PRDM10: variants seen among roughly 807,000 people sequenced by gnomAD.
The protein encoded by PRDM10 is PR/SET domain 10.
A neutral mutation model predicts 133.1 loss-of-function variants in PRDM10; 65 were observed. The ratio of observed to expected loss-of-function variants is 0.49; its 90% CI spans 0.40 to 0.60. The LOEUF is 0.60. Ranked by LOEUF, PRDM10 falls within the 20% of genes least tolerant of loss-of-function variation. PRDM10 has a pLI of 0.00. For missense variants in PRDM10, 1,137 were observed against 1,507.1 expected (o/e 0.75, Z 4.07); for synonymous variants, 582 against 580.4 (o/e 1.00, Z -0.04).
intron 11 of PRDM10, 120 bp from the exon 12 acceptor site, chr11:129,925,349 C>T (rs554770711): frequency 8.1e-5 from 75 of 920,610 alleles, no homozygotes; most frequent in Admixed American, 2.5e-4. Context: ...AGAAGTTCAA[C>T]TCTAGGACAC....
At chr11:129,983,687 A>G (rs550514726) in intron 1 of PRDM10, among the ~76,000 whole-genome samples, 2 of 152,370 alleles carry the variant, frequency 1.3e-5, no homozygotes, top group South Asian at 4.1e-4. Context: ...TAGTGTATAC[A>G]GGAGAGGAGA....
chr11:130,002,180 G>T (rs1028959678), intron 1 of PRDM10, among the ~76,000 whole-genome samples: 1 of 148,230 alleles, frequency 6.7e-6, no homozygotes, highest in African/African-American at 2.4e-5. Flanking sequence ...CTCCCGGCCG[G>T]CGGAGACCTG....
intron 2 of PRDM10, among the ~76,000 whole-genome samples, chr11:129,960,631 C>T (rs949166776): frequency 5.9e-5 from 9 of 151,986 alleles, no homozygotes; most frequent in South Asian, 2.1e-4. Context: ...ATAAATAAAG[C>T]GGGGTAGTAA....
chr11:129,952,104 ACTGT>A (rs1951596258), intron 4 of PRDM10, among the ~76,000 whole-genome samples: 1 of 152,188 alleles, frequency 6.6e-6, no homozygotes, highest in East Asian at 1.9e-4. Context: ...CAATAGTTAC[ACTGT>A]CTTGTAATGT....
At chr11:129,975,349 G>A (rs1186172710) in intron 1 of PRDM10, among the ~76,000 whole-genome samples, 1 of 151,838 alleles carries the variant, frequency 6.6e-6, no homozygotes, top group Non-Finnish European at 1.5e-5. Flanking sequence ...GCTTGAACCT[G>A]GGGAGGCGGA....
chr11:129,928,536 C>G (rs1411457891), intron 11 of PRDM10, among the ~76,000 whole-genome samples: 1 of 152,036 alleles, frequency 6.6e-6, no homozygotes, highest in Non-Finnish European at 1.5e-5. Context: ...ACTACAGGTG[C>G]CTGCCACCAT....
rs184108902 is a variant in PRDM10 at position 129,947,817 on chromosome 11, C to G, written c.295-447G>C. 2.0e-5 allele frequency among the ~76,000 whole-genome samples: 3 copies of G among 152,240 alleles called. No individual in the cohort carries two copies. Among genetic ancestry groups the G allele is most frequent in the Admixed American group, 2.0e-4 (3 of 15,288 alleles). ...GACTTCAAATAGGTAAGCAACAGAC[C>G]GTTTCGATGTGTGCACATGTGAGGT... On this transcript the variant is annotated intron_variant, in intron 4 of 20. Coordinates refer to ENST00000360871, the MANE Select transcript of PRDM10 (RefSeq NM_199437.2). This position sits in a 1 kb window ranked among gnomAD's most constrained non-coding sequence, Gnocchi z 4.6.
At chr11:129,932,020 T>C (rs1950883896) in intron 10 of PRDM10, 82 bp downstream of exon 10, 1 of 1,491,208 alleles carries the variant, frequency 6.7e-7, no homozygotes, top group Admixed American at 2.0e-5. Flanking sequence ...ATTGGGAAGG[T>C]CTTTGTACTT....
chr11:129,952,331 T>C (rs1238932732), intron 4 of PRDM10, among the ~76,000 whole-genome samples: 1 of 151,980 alleles, frequency 6.6e-6, no homozygotes, highest in East Asian at 1.9e-4. Flanking sequence ...GTGGCAAGAG[T>C]GTGTGGAAAT....
At chr11:129,904,940 C>A (rs1320320506) in intron 20 of PRDM10, among the ~76,000 whole-genome samples, 1 of 152,214 alleles carries the variant, frequency 6.6e-6, no homozygotes, top group Non-Finnish European at 1.5e-5. Context: ...TAATTTATGG[C>A]AATGTTTTTC....
At chr11:129,953,128 C>A (rs1264780453) in intron 4 of PRDM10, among the ~76,000 whole-genome samples, 1 of 151,826 alleles carries the variant, frequency 6.6e-6, no homozygotes, top group African/African-American at 2.4e-5. Flanking sequence ...CAGGTGCCCA[C>A]CACCATGCCC....
rs186278201 is a variant in PRDM10 at position 129,918,716 on chromosome 11, T to C, written c.2037A>G (p.Arg679=). The change falls in exon 14 of 21, where the codon CGA becomes CGG. Residue 679 remains arginine, a splice_region_variant and synonymous_variant. Coordinates refer to ENST00000360871, the MANE Select transcript of PRDM10 (RefSeq NM_199437.2). The surrounding 1 kb of genome is among the most constrained non-coding windows in gnomAD (Gnocchi z 5.3). ...GCATGTGTTCCCGTAGTTTGTCTTT[T>C]CGCTATTTGGAGAGTATTTTTGAAA... ...LCSTCGKQFK[R]KDKLREHMQR... is the part of the protein sequence containing the mutation. 1.2e-5 allele frequency: 20 copies of C among 1,608,066 alleles called. No individual in the cohort carries two copies. The highest frequency in any genetic ancestry group is 1.7e-5 in the Non-Finnish European group (20 of 1,176,790).
chr11:129,960,870 C>G, intron 2 of PRDM10, 26 bp downstream of exon 2: 1 of 1,613,474 alleles, frequency 6.2e-7, no homozygotes, highest in Admixed American at 1.7e-5. Flanking sequence ...CCTCTCAATA[C>G]CAAGCTGGAA....
At chr11:129,982,998 A>G (rs955705222) in intron 1 of PRDM10, among the ~76,000 whole-genome samples, 3 of 151,642 alleles carry the variant, frequency 2.0e-5, no homozygotes, top group Non-Finnish European at 2.9e-5. Context: ...TTTCTTTGAG[A>G]CAGTGTCTCA....
intron 10 of PRDM10, among the ~76,000 whole-genome samples, chr11:129,931,773 T>G (rs1237460541): frequency 2.0e-5 from 3 of 152,004 alleles, no homozygotes; most frequent in African/African-American, 7.2e-5. Context: ...TTTCACCGTG[T>G]TAGCCAGGAT....
Position 129,925,109 on chromosome 11 carries a change from C to T in PRDM10, c.1651G>A (p.Glu551Lys). 6.2e-7 allele frequency: 1 copy of T among 1,614,214 alleles called. No individual in the cohort carries two copies. The highest frequency in any genetic ancestry group is 8.5e-7 in the Non-Finnish European group (1 of 1,180,020). Residue 551 changes from glutamate to lysine, a missense_variant, in exon 12 of 21, where the codon GAG becomes AAG. By Grantham distance (56) the Glu-to-Lys change is moderately conservative. This residue lies in a region of PRDM10 where 635 missense variants were observed against 835.2 expected (regional missense o/e 0.76). Coordinates refer to ENST00000360871, the MANE Select transcript of PRDM10 (RefSeq NM_199437.2). ...TCACAGGTCAGTGGGCAGTTCCCCT[C>T]CCGCCCATGGAAGCGTAAGTGCTGG... The part of the protein sequence containing the change: ...LDQHLRFHGR[E>K]GNCPLTCDLC...
At position 129,910,518 on chromosome 11, in the gene PRDM10, G is replaced by C. The variant is rs1428085472; in HGVS notation, c.3121C>G (p.His1041Asp). The change falls in exon 19 of 21, where the codon CAC becomes GAC. Residue 1041 changes from histidine to aspartate, a missense_variant. Physicochemically the swap from His to Asp is moderately conservative, Grantham distance 81. This residue lies in a region of PRDM10 where 243 missense variants were observed against 259.2 expected (regional missense o/e 0.94). Coordinates refer to ENST00000360871, the MANE Select transcript of PRDM10 (RefSeq NM_199437.2). ...QQQQQNSSVQ[H>D]TYLPSAWNSF... Reference sequence around the variant, plus strand: ...TTCCAAGCACTGGGCAGGTACGTGTGCTGCACAGAGGAATTCTGCTGCTGC... The same window carrying C: ...TTCCAAGCACTGGGCAGGTACGTGTCCTGCACAGAGGAATTCTGCTGCTGC... The C allele has an allele frequency of 3.1e-6, 5 of 1,614,152 alleles. No homozygotes were observed. Among genetic ancestry groups the C allele is most frequent in the Non-Finnish European group, 4.2e-6 (5 of 1,180,038 alleles).
intron 1 of PRDM10, among the ~76,000 whole-genome samples, chr11:129,977,032 G>A (rs73577280): frequency 0.048 from 7,299 of 151,876 alleles, 465 homozygotes; most frequent in African/African-American, 0.15. Context: ...GCTGTTTCAC[G>A]TGCCCCTCAC....
chr11:130,001,339 A>G (rs1939362282), intron 1 of PRDM10, among the ~76,000 whole-genome samples: 1 of 152,206 alleles, frequency 6.6e-6, no homozygotes, highest in African/African-American at 2.4e-5. Context: ...GCGATGGAGG[A>G]GTGATAGAAA....
Sources: gnomAD v4.1 joint callset for allele counts (sites outside exome capture counted in the v4.1 genomes callset) on GRCh38, gnomAD v4.1.1 for gene constraint, gnomAD v4.1.1 regional missense constraint, Gnocchi (gnomAD v3.1) non-coding constraint, MANE v1.5 for transcripts, NCBI Gene and HGNC (gene_info 2026-07-23, HGNC 2026-07-21) for gene names.